TSHZ3: variants seen among roughly 807,000 people sequenced by gnomAD.
The protein encoded by TSHZ3 is teashirt homolog 3.
In TSHZ3, 10 loss-of-function variants were observed where a neutral mutation model predicts 64.5. The observed-to-expected ratio is 0.16, with a 90% CI of 0.10 to 0.26. TSHZ3 has a LOEUF of 0.26. Among genes scored for constraint, TSHZ3 ranks in the 10% least tolerant of loss-of-function variants. The pLI is 1.00. For missense variants in TSHZ3, 1,242 were observed against 1,421.7 expected, an observed-to-expected ratio of 0.87 and a Z score of 2.03; for synonymous variants, 608 against 593.1, an observed-to-expected ratio of 1.03 and a Z score of -0.36.
intron 1 of TSHZ3, among the ~76,000 whole-genome samples, chr19:31,326,732 CG>C (rs2145175350): frequency 6.6e-6 from 1 of 152,334 alleles, no homozygotes; most frequent in South Asian, 2.1e-4. Context: ...TTAGGGAGAA[CG>C]GAGCACATGG....
At chr19:31,258,825 G>A (rs1040303703) in intron 1 of TSHZ3, among the ~76,000 whole-genome samples, 1 of 152,150 alleles carries the variant, frequency 6.6e-6, no homozygotes, top group Non-Finnish European at 1.5e-5. Flanking sequence ...CTTCCCCTGG[G>A]CCCTAGGGCT....
intron 1 of TSHZ3, among the ~76,000 whole-genome samples, chr19:31,287,124 CG>C (rs1054960605): frequency 1.3e-5 from 2 of 152,098 alleles, no homozygotes; most frequent in Non-Finnish European, 2.9e-5. Context: ...TCTCCAACCA[CG>C]GGGGCCACGG....
At chr19:31,208,079 G>A (rs1160336209) in intron 4 of TSHZ3, among the ~76,000 whole-genome samples, 1 of 152,196 alleles carries the variant, frequency 6.6e-6, no homozygotes, top group Non-Finnish European at 1.5e-5. Flanking sequence ...CTCACACAGA[G>A]AATGTGTTCA....
At chr19:31,180,572 G>C (rs536866245) in intron 5 of TSHZ3, among the ~76,000 whole-genome samples, 3 of 152,306 alleles carry the variant, frequency 2.0e-5, no homozygotes, top group African/African-American at 7.2e-5. Flanking sequence ...ACATAGCTCA[G>C]AATTGCTAAT....
intron 5 of TSHZ3, chr19:31,195,687 A>C (rs2145143966): frequency 6.6e-6 from 1 of 152,188 alleles, no homozygotes; most frequent in East Asian, 1.9e-4. Flanking sequence ...AAGAAACCAA[A>C]GGAGAAATAA....
chr19:31,202,022 C>T (rs1975094578), intron 5 of TSHZ3, among the ~76,000 whole-genome samples: 1 of 152,004 alleles, frequency 6.6e-6, no homozygotes. Context: ...TAAAAATTAG[C>T]TGAGCGTGCT....
At chr19:31,300,651 G>A (rs1450503735) in intron 1 of TSHZ3, among the ~76,000 whole-genome samples, 2 of 152,072 alleles carry the variant, frequency 1.3e-5, no homozygotes, top group Admixed American at 6.5e-5. Flanking sequence ...TGGAGCTGAC[G>A]CCCCAGCAGT....
chr19:31,154,902 G>A (rs969467000), intron 6 of TSHZ3, among the ~76,000 whole-genome samples: 6 of 152,182 alleles, frequency 3.9e-5, no homozygotes, highest in Admixed American at 1.3e-4. Context: ...ACCCTTACTC[G>A]GCACTTGCCA....
chr19:31,273,399 A>G (rs762475756), downstream of TSHZ3, among the ~76,000 whole-genome samples: 8 of 152,124 alleles, frequency 5.3e-5, no homozygotes, highest in Non-Finnish European at 1.2e-4. Flanking sequence ...ACCAACCCCC[A>G]AATTGGAAAG....
intron 1 of TSHZ3, among the ~76,000 whole-genome samples, chr19:31,259,235 A>G (rs905034910): frequency 6.6e-6 from 1 of 152,246 alleles, no homozygotes; most frequent in Non-Finnish European, 1.5e-5. Context: ...ATAAAAGTAG[A>G]GGAGCTGTTC....
At chr19:31,293,194 A>G (rs921347511) in intron 1 of TSHZ3, among the ~76,000 whole-genome samples, 2 of 152,208 alleles carry the variant, frequency 1.3e-5, no homozygotes, top group Non-Finnish European at 2.9e-5. Flanking sequence ...TATGTATTAG[A>G]CACTAATTAT....
chr19:31,236,167 G>A (rs1339913032), intron 3 of TSHZ3, among the ~76,000 whole-genome samples: 4 of 152,136 alleles, frequency 2.6e-5, no homozygotes, highest in African/African-American at 9.7e-5. Context: ...TCATGCGACA[G>A]GTCTATTTTA....
At chr19:31,153,194 T>C (rs1974263308) in intron 6 of TSHZ3, among the ~76,000 whole-genome samples, 1 of 152,186 alleles carries the variant, frequency 6.6e-6, no homozygotes, top group Non-Finnish European at 1.5e-5. Context: ...TGACATAAGA[T>C]ACTGATGTAT....
chr19:31,216,415 G>A (rs556520873), intron 4 of TSHZ3, among the ~76,000 whole-genome samples: 1 of 151,600 alleles, frequency 6.6e-6, no homozygotes, highest in African/African-American at 2.4e-5. Context: ...AGGGATGAGA[G>A]TCACCTGAGA....
At chr19:31,248,690 C>A (rs1289743656) in intron 1 of TSHZ3, among the ~76,000 whole-genome samples, 1 of 148,924 alleles carries the variant, frequency 6.7e-6, no homozygotes, top group Non-Finnish European at 1.5e-5. Context: ...ACTTGGGAGG[C>A]TGAGGAGGGA....
chr19:31,219,559 G>A (rs1311647500), intron 4 of TSHZ3, among the ~76,000 whole-genome samples: 1 of 152,088 alleles, frequency 6.6e-6, no homozygotes, highest in African/African-American at 2.4e-5. Context: ...CAATACAATA[G>A]CCACTAAAGA....
chr19:31,154,089 C>T (rs1295841951), intron 6 of TSHZ3, among the ~76,000 whole-genome samples: 5 of 152,192 alleles, frequency 3.3e-5, no homozygotes, highest in African/African-American at 1.2e-4. Context: ...ATTTCTTGTA[C>T]TTCTGCCATC....
intron 4 of TSHZ3, among the ~76,000 whole-genome samples, chr19:31,223,322 A>G (rs887696131): frequency 6.6e-6 from 1 of 151,728 alleles, no homozygotes; most frequent in African/African-American, 2.4e-5. Flanking sequence ...ACCTTCTCCC[A>G]GGTAGGTCTG....
chr19:31,288,553 G>A (rs1976506828), intron 1 of TSHZ3, among the ~76,000 whole-genome samples: 1 of 152,084 alleles, frequency 6.6e-6, no homozygotes, highest in Non-Finnish European at 1.5e-5. Flanking sequence ...CTGGACTCTG[G>A]AGAGGACCTG....
Sources: allele counts gnomAD v4.1 joint callset (sites outside exome capture counted in the v4.1 genomes callset), GRCh38; gene constraint gnomAD v4.1.1; transcripts MANE v1.5; gene names NCBI Gene and HGNC (gene_info 2026-07-23, HGNC 2026-07-21).